Variants in GAB2 observed in about 807,000 individuals in gnomAD.
The protein encoded by GAB2 is GRB2-associated-binding protein 2.
A neutral mutation model predicts 65.5 loss-of-function variants in GAB2; 26 were observed. The ratio of observed to expected loss-of-function variants is 0.40; its 90% confidence interval spans 0.29 to 0.55. The LOEUF is 0.55. Among genes scored for constraint, GAB2 ranks in the 20% least tolerant of loss-of-function variants. The pLI is 0.53. For synonymous variants in GAB2, 321 were observed against 329.6 expected (o/e 0.97, Z 0.28); for missense variants, 884 against 875.8 (o/e 1.01, Z -0.12).
intron 8 of GAB2, among the ~76,000 whole-genome samples, chr11:78,220,977 C>T (rs188362072): frequency 5.3e-5 from 8 of 152,236 alleles, no homozygotes; most frequent in Non-Finnish European, 7.3e-5. Context: ...CTTGCTCCCC[C>T]GCCTAGCTCC....
chr11:78,358,439 TATAATAATAATA>T (rs201503823), intron 1 of GAB2, among the ~76,000 whole-genome samples: 20 of 117,312 alleles, frequency 1.7e-4, no homozygotes, highest in Middle Eastern at 4.3e-3. Flanking sequence ...GAACTTAAAA[TATAATAATAATA>T]ATAATAATAA....
At chr11:78,300,695 G>GTTTTTT (rs769243672) in intron 1 of GAB2, among the ~76,000 whole-genome samples, 5 of 113,256 alleles carry the variant, frequency 4.4e-5, no homozygotes, top group East Asian at 2.9e-4. Context: ...GTTTTTTTTT[G>GTTTTTT]TTTTTTTTTT....
chr11:78,287,665 T>C (rs1389438299), intron 1 of GAB2, among the ~76,000 whole-genome samples: 1 of 151,510 alleles, frequency 6.6e-6, no homozygotes, highest in African/African-American at 2.4e-5. Flanking sequence ...TTTTTTTTTT[T>C]TGAGACAGAG....
At chr11:78,306,056 A>T (rs1855350065) in intron 1 of GAB2, among the ~76,000 whole-genome samples, 1 of 152,232 alleles carries the variant, frequency 6.6e-6, no homozygotes. Context: ...ATATTAAAAC[A>T]TCTATACCCA....
intron 1 of GAB2, among the ~76,000 whole-genome samples, chr11:78,415,682 G>A (rs1157480622): frequency 2.0e-5 from 3 of 152,292 alleles, no homozygotes; most frequent in East Asian, 3.9e-4. Context: ...GGAAAGAGAG[G>A]CTAAGGCCAT....
intron 1 of GAB2, among the ~76,000 whole-genome samples, chr11:78,344,944 TATA>T (rs1377626960): frequency 3.9e-5 from 6 of 152,198 alleles, no homozygotes; most frequent in Admixed American, 6.5e-5. Context: ...CCTCAAATTT[TATA>T]ATAAGCATTG....
At chr11:78,406,893 T>A (rs974852563) in intron 1 of GAB2, among the ~76,000 whole-genome samples, 1 of 151,516 alleles carries the variant, frequency 6.6e-6, no homozygotes, top group Non-Finnish European at 1.5e-5. Context: ...AGTAAAAAAA[T>A]AGAAGATGTA....
intron 1 of GAB2, among the ~76,000 whole-genome samples, chr11:78,304,617 C>A (rs956140753): frequency 6.6e-6 from 1 of 152,176 alleles, no homozygotes; most frequent in African/African-American, 2.4e-5. Context: ...TGATGAAGTG[C>A]CAAGTTATTA....
At chr11:78,410,386 C>G (rs968103559) in intron 1 of GAB2, among the ~76,000 whole-genome samples, 1 of 152,194 alleles carries the variant, frequency 6.6e-6, no homozygotes, top group Non-Finnish European at 1.5e-5. Flanking sequence ...TGCCTGCAAT[C>G]CCAGCTGCTC....
rs56926225 is a variant in GAB2, at chr11:78,289,814, C to CTTT, written c.76-8916_76-8914dup. 2.7e-3 allele frequency among the ~76,000 whole-genome samples: 229 copies of CTTT among 83,654 alleles called. 10 individuals carry two copies. The highest frequency in any genetic ancestry group is 9.0e-3 in the African/African-American group (187 of 20,874). The allele number at this position is 83,654 out of a possible 152,430, so 54.9% of individuals were successfully genotyped here. A position where few individuals can be genotyped will look rare whatever the true frequency, so the allele number is the denominator to read the frequency against. On this transcript the variant is annotated intron_variant, in intron 1 of 9. Coordinates refer to ENST00000361507, the MANE Select transcript of GAB2 (RefSeq NM_080491.3). ...CGGTTTTGGAAAGGAAGAACAGGAC[C>CTTT]TTTTTTTTTTTTTTTTTTTTTTTTT...
chr11:78,286,592 TC>T (rs1866491038), intron 1 of GAB2, among the ~76,000 whole-genome samples: 1 of 151,928 alleles, frequency 6.6e-6, no homozygotes, highest in Non-Finnish European at 1.5e-5. Context: ...TGATTTTTTT[TC>T]ATTCCATGAA....
At chr11:78,352,710 C>G (rs1856297803) in intron 1 of GAB2, among the ~76,000 whole-genome samples, 1 of 152,100 alleles carries the variant, frequency 6.6e-6, no homozygotes, top group Non-Finnish European at 1.5e-5. Context: ...GGCATGTGAC[C>G]TATTGCTAGC....
chr11:78,366,585 CAAAAAAAA>C (rs33997665), intron 1 of GAB2, among the ~76,000 whole-genome samples: 4 of 32,950 alleles, frequency 1.2e-4, no homozygotes, highest in South Asian at 2.9e-3. Context: ...GACTCCATCT[CAAAAAAAA>C]AAAAAAAAAA....
At chr11:78,386,630 A>T in intron 1 of GAB2, among the ~76,000 whole-genome samples, 1 of 151,218 alleles carries the variant, frequency 6.6e-6, no homozygotes, top group East Asian at 1.9e-4. Context: ...ACTCTGCAAG[A>T]AGGCCTGGAG....
rs565472949 is a variant in GAB2, at chr11:78,402,579, C to T, written c.75+15067G>A. ...CCCCCCCACCCCCACCCCCAATCGC[C>T]CCAGTAGCTGGGATTACAGGCACGT... On this transcript the variant is annotated intron_variant, in intron 1 of 9. Coordinates refer to ENST00000361507, the MANE Select transcript of GAB2 (RefSeq NM_080491.3). 2.1e-3 allele frequency among the ~76,000 whole-genome samples: 313 copies of T among 148,648 alleles called. 1 individual carries two copies. The highest frequency in any genetic ancestry group is 5.0e-3 in the South Asian group (23 of 4,572).
At position 78,417,593 on chromosome 11, in the gene GAB2, G is replaced by T. The variant is rs1489700292; in HGVS notation, c.75+53C>A. The T allele has an allele frequency of 6.7e-6, 6 of 895,282 alleles. No individual in the cohort carries two copies. In the East Asian group the frequency reaches 3.7e-4, roughly 55 times the overall value. 55.5% of individuals were successfully genotyped at this position (895,282 alleles called of 1,614,324 possible). A position where few individuals can be genotyped will look rare whatever the true frequency, so the allele number is the denominator to read the frequency against. ...CCCTCCGGGAGTCCCCCGCCCCTCC[G>T]CAGGCCCCGGAGCGCCCCCCGCCCG... On this transcript the variant is annotated intron_variant, in intron 1 of 9. Coordinates refer to ENST00000361507, the MANE Select transcript of GAB2 (RefSeq NM_080491.3).
At chr11:78,384,637 G>C (rs191574790) in intron 1 of GAB2, among the ~76,000 whole-genome samples, 2 of 152,300 alleles carry the variant, frequency 1.3e-5, no homozygotes, top group Admixed American at 6.5e-5. Flanking sequence ...CCATGAGCTG[G>C]GAGAGGAGGC....
intron 1 of GAB2, among the ~76,000 whole-genome samples, chr11:78,362,657 A>T (rs975359793): frequency 1.3e-5 from 2 of 151,868 alleles, no homozygotes; most frequent in African/African-American, 4.9e-5. Context: ...AATTAACTAA[A>T]TTCTCAAGTT....
chr11:78,266,614 G>C (rs1188732363), intron 2 of GAB2, among the ~76,000 whole-genome samples: 1 of 152,100 alleles, frequency 6.6e-6, no homozygotes, highest in African/African-American at 2.4e-5. Context: ...TTTTTATCTG[G>C]TAGTTATATC....
Sources: gnomAD v4.1 joint callset for allele counts (sites outside exome capture counted in the v4.1 genomes callset) on GRCh38, gnomAD v4.1.1 for gene constraint, MANE v1.5 for transcripts, NCBI Gene and HGNC (gene_info 2026-07-23, HGNC 2026-07-21) for gene names.